HS6ST3: variants seen among roughly 807,000 people sequenced by gnomAD.
HS6ST3 encodes the protein heparan sulfate 6-O-sulfotransferase 3.
A neutral mutation model predicts 36.7 loss-of-function variants in HS6ST3; 12 were observed. That is an observed-to-expected ratio of 0.33 (90% CI 0.21 to 0.53). HS6ST3 has a LOEUF of 0.53. HS6ST3 is among the 20% of genes least tolerant of loss of function. HS6ST3 has a pLI of 0.95. For synonymous variants in HS6ST3, 240 were observed against 257.5 expected (o/e 0.93, Z 0.65); for missense variants, 584 against 640.9 (o/e 0.91, Z 0.96).
At chr13:96,117,359 A>G (rs1336519142) in intron 1 of HS6ST3, among the ~76,000 whole-genome samples, 1 of 152,248 alleles carries the variant, frequency 6.6e-6, no homozygotes, top group Non-Finnish European at 1.5e-5. Flanking sequence ...CATAATAAGT[A>G]TCACAAAGGG....
chr13:96,106,247 A>G (rs2053841000), intron 1 of HS6ST3, among the ~76,000 whole-genome samples: 1 of 152,222 alleles, frequency 6.6e-6, no homozygotes, highest in Non-Finnish European at 1.5e-5. Flanking sequence ...TAATGACTTG[A>G]TTCTAATTAA....
At chr13:96,535,033 C>T (rs2056149677) in intron 1 of HS6ST3, among the ~76,000 whole-genome samples, 1 of 152,050 alleles carries the variant, frequency 6.6e-6, no homozygotes, top group Admixed American at 6.5e-5. Context: ...AAGGCCTGCC[C>T]AGCTGTGTAT....
rs1454190609 is a variant in HS6ST3, at chr13:96,474,595, TAA to T, written c.708-357894_708-357893del. Among the ~76,000 whole-genome samples, 11 of 140,558 alleles carry T rather than the reference TAA, an allele frequency of 7.8e-5. 1 individual carries two copies. In the East Asian group the frequency reaches 2.6e-3, roughly 34 times the overall value. 92.2% of individuals were successfully genotyped at this position (140,558 alleles called of 152,430 possible). ...AAATATAGCATTTGCTATACAGTAA[TAA>T]GAGTTTAATGTAATACGTTAATAAT... On this transcript the variant is annotated intron_variant, in intron 1 of 1. Coordinates refer to ENST00000376705, the MANE Select transcript of HS6ST3 (RefSeq NM_153456.4).
intron 1 of HS6ST3, among the ~76,000 whole-genome samples, chr13:96,312,257 ATT>A (rs2054945056): frequency 1.3e-5 from 2 of 152,192 alleles, no homozygotes; most frequent in South Asian, 4.1e-4. Context: ...GATATGTAGT[ATT>A]TTCCAATTTG....
intron 1 of HS6ST3, among the ~76,000 whole-genome samples, chr13:96,292,803 G>T (rs890749268): frequency 2.0e-5 from 3 of 151,970 alleles, no homozygotes; most frequent in African/African-American, 7.2e-5. Flanking sequence ...AAGAAAACAA[G>T]TTTTCTGTTT....
intron 1 of HS6ST3, among the ~76,000 whole-genome samples, chr13:96,452,620 C>T (rs2055733670): frequency 6.6e-6 from 1 of 151,956 alleles, no homozygotes; most frequent in Non-Finnish European, 1.5e-5. Context: ...AAATAATCTA[C>T]ATTTTTCTAA....
intron 1 of HS6ST3, among the ~76,000 whole-genome samples, chr13:96,434,200 A>G (rs1858388180): frequency 6.6e-6 from 1 of 152,174 alleles, no homozygotes; most frequent in African/African-American, 2.4e-5. Flanking sequence ...AGCCTTTGTT[A>G]TGGCAGCCCT....
intron 1 of HS6ST3, among the ~76,000 whole-genome samples, chr13:96,458,680 A>T (rs1413717766): frequency 6.6e-6 from 1 of 151,666 alleles, no homozygotes; most frequent in African/African-American, 2.4e-5. Flanking sequence ...GCAGTTTGAG[A>T]TTTGAAATTC....
intron 1 of HS6ST3, among the ~76,000 whole-genome samples, chr13:96,346,743 G>A (rs916260060): frequency 3.9e-5 from 6 of 152,124 alleles, no homozygotes; most frequent in African/African-American, 1.4e-4. Context: ...AAGGCAGACT[G>A]TCTCACAGAT....
intron 1 of HS6ST3, among the ~76,000 whole-genome samples, chr13:96,217,820 A>G (rs1157733326): frequency 3.3e-5 from 5 of 152,148 alleles, no homozygotes; most frequent in African/African-American, 1.2e-4. Context: ...ATATTTATAT[A>G]CATGTATGTG....
At chr13:96,587,267 C>A (rs922006302) in intron 1 of HS6ST3, among the ~76,000 whole-genome samples, 7 of 151,284 alleles carry the variant, frequency 4.6e-5, no homozygotes, top group Non-Finnish European at 7.4e-5. Flanking sequence ...CTCAACATTT[C>A]TTTGGTTATT....
intron 1 of HS6ST3, among the ~76,000 whole-genome samples, chr13:96,621,423 G>C (rs376807559): frequency 6.6e-6 from 1 of 152,078 alleles, no homozygotes; most frequent in Admixed American, 6.6e-5. Context: ...TGTGAAGAAG[G>C]TGCCTGCTTC....
intron 1 of HS6ST3, among the ~76,000 whole-genome samples, chr13:96,359,369 T>C (rs1054054626): frequency 9.9e-5 from 15 of 152,182 alleles, no homozygotes; most frequent in Non-Finnish European, 1.6e-4. Context: ...GATGTTTGCT[T>C]TTAAAATTAT....
chr13:96,608,062 C>T (rs1240981681), intron 1 of HS6ST3, among the ~76,000 whole-genome samples: 1 of 152,034 alleles, frequency 6.6e-6, no homozygotes, highest in East Asian at 1.9e-4. Flanking sequence ...ATGATAATTG[C>T]AGTAGATTGA....
intron 1 of HS6ST3, among the ~76,000 whole-genome samples, chr13:96,119,520 G>A (rs2053914912): frequency 6.6e-6 from 1 of 152,106 alleles, no homozygotes; most frequent in South Asian, 2.1e-4. Context: ...ACAAATTTGG[G>A]CGGATAATAG....
At chr13:96,265,202 G>C (rs575703531) in intron 1 of HS6ST3, among the ~76,000 whole-genome samples, 1 of 151,746 alleles carries the variant, frequency 6.6e-6, no homozygotes, top group East Asian at 1.9e-4. Context: ...TTCCAGACAG[G>C]GTCTTGCCCT....
chr13:96,316,908 T>C (rs1219015260), intron 1 of HS6ST3, among the ~76,000 whole-genome samples: 1 of 152,226 alleles, frequency 6.6e-6, no homozygotes, highest in African/African-American at 2.4e-5. Context: ...ATGATTTTTG[T>C]TTATTCTATA....
chr13:96,447,377 A>G (rs1407122670), intron 1 of HS6ST3, among the ~76,000 whole-genome samples: 1 of 151,920 alleles, frequency 6.6e-6, no homozygotes, highest in African/African-American at 2.4e-5. Context: ...CTTCATTTCC[A>G]TCTTATTGTT....
Position 96,381,418 on chromosome 13 carries a change from C to CTATG in HS6ST3, c.707+289852_707+289853insGTAT, listed in dbSNP as rs1566343918. Among the ~76,000 whole-genome samples, 56 of 13,788 alleles carry CTATG rather than the reference C, an allele frequency of 4.1e-3. 1 individual carries two copies. Among genetic ancestry groups the CTATG allele is most frequent in the South Asian group, 6.9e-3 (1 of 144 alleles). The allele number at this position is 13,788 out of a possible 152,430, so 9.0% of individuals were successfully genotyped here. ...TGTATCTATGTATCTATGTATCTATCTATCTATCTATCTATCTATCACTCA... is the reference window on the plus strand; with the variant it reads ...TGTATCTATGTATCTATGTATCTATCTATGTATCTATCTATCTATCTATCACTCA... On this transcript the variant is annotated intron_variant, in intron 1 of 1. Transcript: ENST00000376705.
Sources: allele counts gnomAD v4.1 joint callset (sites outside exome capture counted in the v4.1 genomes callset), GRCh38; gene constraint gnomAD v4.1.1; transcripts MANE v1.5; gene names NCBI Gene and HGNC (gene_info 2026-07-23, HGNC 2026-07-21).